Variants in TAF1C observed in about 807,000 individuals in gnomAD.
TAF1C encodes the protein TATA box-binding protein-associated factor RNA polymerase I subunit C.
In TAF1C, 79 loss-of-function variants were observed where a neutral mutation model predicts 70.5. That is an observed-to-expected ratio of 1.12 (90% CI 0.93 to 1.35). The LOEUF (loss-of-function observed/expected upper bound fraction) is 1.35, where lower values mean the gene tolerates loss of function less well. Among genes scored for constraint, TAF1C ranks in the 40% most tolerant of loss-of-function variants. The pLI is 0.00. For missense variants in TAF1C, 1,412 were observed against 1,127.8 expected (o/e 1.25, Z -3.61); for synonymous variants, 614 against 491.1 (o/e 1.25, Z -3.31).
chr16:84,185,247 C>T (rs1490591612), intron 1 of TAF1C, 187 bp from the exon 2 acceptor site: 3 of 370,202 alleles, frequency 8.1e-6, no homozygotes, highest in East Asian at 5.1e-5. Context: ...GGAAAAGCCT[C>T]GTTGAGAAGG....
rs3785034 is a variant in TAF1C at position 84,186,135 on chromosome 16, C to A, written c.-73+766G>T. ...ACGAAGGCTCAGCAAGAACTTTAGTCCAACAGCTCTTAGCTGCCACAGCCA... is the reference window on the plus strand; with the variant it reads ...ACGAAGGCTCAGCAAGAACTTTAGTACAACAGCTCTTAGCTGCCACAGCCA... On this transcript the variant is annotated intron_variant, in intron 1 of 14. Transcript: ENST00000566732. 3.3e-5 allele frequency among the ~76,000 whole-genome samples: 5 copies of A among 152,254 alleles called. No homozygotes were observed. In the East Asian group the frequency reaches 9.6e-4, roughly 29 times the overall value.
chr16:84,181,230 C>T (rs764460424), intron 11 of TAF1C, 44 bp from the exon 12 acceptor site: 98 of 1,594,560 alleles, frequency 6.1e-5, no homozygotes, highest in Non-Finnish European at 7.8e-5. Context: ...AGTCCCAGGC[C>T]GGTGACGCTG....
At chr16:84,184,794 G>C in intron 2 of TAF1C, 57 bp downstream of exon 2, 1 of 1,535,098 alleles carries the variant, frequency 6.5e-7, no homozygotes, top group South Asian at 1.2e-5. Flanking sequence ...TGTGAGACGG[G>C]GGACCCAGGG....
In TAF1C at chr16:84,178,438, T is replaced by A. The variant is rs2088869748; in HGVS notation, c.*503A>T. On this transcript the variant is annotated 3_prime_UTR_variant, in exon 15 of 15. Transcript: ENST00000566732. The stretch of plus-strand genomic sequence containing the variant: ...AACCTGGATCCAAGGCATCTCCCTG[T>A]AGGAAACATCAGACCGGGGCAGAGA... The A allele has an allele frequency of 2.2e-6, 1 of 458,108 alleles. No individual in the cohort carries two copies. The highest frequency in any genetic ancestry group is 4.4e-6 in the Non-Finnish European group (1 of 228,198). The allele number at this position is 458,108 out of a possible 1,614,324, so 28.4% of individuals were successfully genotyped here.
chr16:84,186,636 G>C (rs1224856875), intron 1 of TAF1C, among the ~76,000 whole-genome samples: 1 of 152,238 alleles, frequency 6.6e-6, no homozygotes, highest in Non-Finnish European at 1.5e-5. Flanking sequence ...CGCTGGTGGA[G>C]AGCACGACCC....
At position 84,179,244 on chromosome 16, in the gene TAF1C, T is replaced by C. The variant is rs1246037177; in HGVS notation, c.2229A>G (p.Ser743=). The C allele has an allele frequency of 6.3e-7, 1 of 1,584,764 alleles. No individual in the cohort carries two copies. The highest frequency in any genetic ancestry group is 1.8e-5 in the Admixed American group (1 of 57,004). The part of the protein sequence containing the change: ...SFSLSGHVDP[S]EDTSSPHSPE... ...GGCTATGAGGGGAGCTGGTGTCCTC[T>C]GAGGGATCCACATGGCCACTGAGCG... Residue 743 remains serine (S), a synonymous_variant, in exon 15 of 15, where the codon TCA becomes TCG. Coordinates refer to ENST00000566732, the MANE Select transcript of TAF1C (RefSeq NM_001243156.2).
At position 84,183,288 on chromosome 16, in the gene TAF1C, G is replaced by A. The variant is rs376292825; in HGVS notation, c.364C>T (p.Leu122=). The change falls in exon 5 of 15, where the codon CTG becomes TTG. Residue 122 remains leucine (L), a synonymous_variant. Coordinates refer to ENST00000566732, the MANE Select transcript of TAF1C (RefSeq NM_001243156.2). ...AAATTCTCCAGCATCAGCTTCCCCA[G>A]GGGCGCAAAGGCTACGTCTCCATGA... ...LDHGDVAFAP[L]GKLMLENFKL... The A allele has an allele frequency of 5.6e-6, 9 of 1,613,898 alleles. No individual in the cohort carries two copies. In the African/African-American group the frequency reaches 8.0e-5, roughly 14 times the overall value.
rs2151289698 is a variant in TAF1C at position 84,178,311 on chromosome 16, C to T, written c.*630G>A. The T allele has an allele frequency of 2.2e-6, 1 of 456,932 alleles. No individual in the cohort carries two copies. Among genetic ancestry groups the T allele is most frequent in the Non-Finnish European group, 4.4e-6 (1 of 227,122 alleles). The allele number at this position is 456,932 out of a possible 1,614,324, so 28.3% of individuals were successfully genotyped here. On this transcript the variant is annotated 3_prime_UTR_variant, in exon 15 of 15. Transcript: ENST00000566732. ...AGGAACATCAGCCATCATCTCTCTGCATGAGCTCAGTGTCAGGTAGTAGCT... is the reference window on the plus strand; with the variant it reads ...AGGAACATCAGCCATCATCTCTCTGTATGAGCTCAGTGTCAGGTAGTAGCT...
chr16:84,181,002 C>G (rs375064121), intron 12 of TAF1C, 41 bp downstream of exon 12: 37 of 1,571,378 alleles, frequency 2.4e-5, no homozygotes, highest in Non-Finnish European at 2.9e-5. Flanking sequence ...CCATCTGAGA[C>G]AGAGCAGAGG....
chr16:84,180,081 C>T lies in TAF1C; in HGVS notation c.1486G>A (p.Glu496Lys), dbSNP rs2151297583. 1.3e-6 allele frequency: 2 copies of T among 1,594,028 alleles called. No homozygotes were observed. The highest frequency in any genetic ancestry group is 8.5e-7 in the Non-Finnish European group (1 of 1,171,830). The change falls in exon 14 of 15, where the codon GAA becomes AAA. Residue 496 changes from glutamate (E) to lysine (K), a missense_variant and splice_region_variant. Glu to Lys is a moderately conservative substitution (Grantham distance 56). Coordinates refer to ENST00000566732, the MANE Select transcript of TAF1C (RefSeq NM_001243156.2). The stretch of plus-strand genomic sequence containing the variant: ...GCCAGGCGGGGCACCGACGCCCCTT[C>T]TCCTGAGGAAGGACAGACAGCTGAG... Reference protein sequence around the residue: ...GQLQLLHLAGEGASVPRLAGP... With the variant: ...GQLQLLHLAGKGASVPRLAGP...
chr16:84,181,181 C>T lies in TAF1C; in HGVS notation c.1170G>A (p.Pro390=), dbSNP rs751893970. The stretch of plus-strand genomic sequence containing the variant: ...GAAAAAGCAACAGACCACAGCCCGG[C>T]GGGCCCTGGAAGATAAACACAGGGT... ...TGVKMLDTQG[P]PGCGLLLFRL... is the part of the protein sequence containing the mutation. The change falls in exon 12 of 15, where the codon CCG becomes CCA. Residue 390 remains proline (P), a synonymous_variant. Transcript: ENST00000566732. The T allele has an allele frequency of 1.2e-5, 20 of 1,607,220 alleles. No homozygotes were observed. The Admixed American group carries it at 1.5e-4, about 12-fold the overall frequency.
Position 84,182,169 on chromosome 16 carries a change from C to T in TAF1C, c.721+33G>A, listed in dbSNP as rs745851989. ...GCACCTCCTCTACCAGAGGCGAGCC[C>T]GCTGGAATCTCCTGTCTCGCAAGAA... On this transcript the variant is annotated intron_variant, in intron 7 of 14. Transcript: ENST00000566732. This position sits in a 1 kb window ranked among gnomAD's most constrained non-coding sequence, Gnocchi z 5.0. The T allele has an allele frequency of 2.4e-5, 39 of 1,595,756 alleles. No homozygotes were observed. Among genetic ancestry groups the T allele is most frequent in the South Asian group, 1.5e-4 (13 of 89,142 alleles).
Position 84,182,456 on chromosome 16 carries a change from C to T in TAF1C, c.483-16G>A, listed in dbSNP as rs1010190149. ...CCAGGGACACCTGGGGACCAGAGAA[C>T]AGCAGGAGGATCACTCGGTGGCACT... On this transcript the variant is annotated splice_polypyrimidine_tract_variant and intron_variant, in intron 6 of 14. Coordinates refer to ENST00000566732, the MANE Select transcript of TAF1C (RefSeq NM_001243156.2). This position sits in a 1 kb window ranked among gnomAD's most constrained non-coding sequence, Gnocchi z 5.0. 6 of 1,591,928 alleles carry T rather than the reference C, an allele frequency of 3.8e-6. No individual in the cohort carries two copies. The highest frequency in any genetic ancestry group is 5.1e-6 in the Non-Finnish European group (6 of 1,171,992).
Position 84,179,240 on chromosome 16 carries a change from C to T in TAF1C, c.2233G>A (p.Asp745Asn). 1 of 1,584,308 alleles carries T rather than the reference C, an allele frequency of 6.3e-7. No individual in the cohort carries two copies. Among genetic ancestry groups the T allele is most frequent in the Non-Finnish European group, 8.5e-7 (1 of 1,171,668 alleles). Residue 745 changes from aspartate (D) to asparagine (N), a missense_variant, in exon 15 of 15, where the codon GAC (aspartate) becomes AAC (asparagine). Physicochemically the swap from Asp to Asn is conservative, Grantham distance 23. Transcript: ENST00000566732. The stretch of plus-strand genomic sequence containing the variant: ...TCAGGGCTATGAGGGGAGCTGGTGT[C>T]CTCTGAGGGATCCACATGGCCACTG... ...SLSGHVDPSE[D>N]TSSPHSPEWP... is the part of the protein sequence containing the mutation.
Position 84,181,634 on chromosome 16 carries a change from C to A in TAF1C, c.986G>T (p.Cys329Phe). 1 of 1,613,818 alleles carries A rather than the reference C, an allele frequency of 6.2e-7. No homozygotes were observed. The change falls in exon 10 of 15, where the codon TGC becomes TTC. Residue 329 changes from cysteine to phenylalanine, a missense_variant. Transcript: ENST00000566732. ...SPHLPGELAI[C>F]SRSGAVCLWS... ...CAGGCAGACGGCTCCCGAGCGGCTG[C>A]AGATGGCCAGCTCCCCGGGCAGGTG...
rs1394399761 is a variant in TAF1C at position 84,182,399 on chromosome 16, G to A, written c.524C>T (p.Ser175Phe). ...GCCCAGGATGGGGCCCCCGAGGATA[G>A]AGAAGCGGCGCTGTCGGTTGCTGAG... is the stretch of plus-strand genomic sequence containing the variant. ...AYLSNRQRRFSILGGPILGTS... is the reference protein window; with the variant it reads ...AYLSNRQRRFFILGGPILGTS... The change falls in exon 7 of 15, where the codon TCT (serine) becomes TTT (phenylalanine). Residue 175 changes from serine (S) to phenylalanine (F), a missense_variant. Ser to Phe is a radical substitution (Grantham distance 155, BLOSUM62 -2). Transcript: ENST00000566732. The surrounding 1 kb of genome is among the most constrained non-coding windows in gnomAD (Gnocchi z 5.0). The A allele has an allele frequency of 1.2e-6, 2 of 1,605,972 alleles. No individual in the cohort carries two copies. The highest frequency in any genetic ancestry group is 1.3e-5 in the African/African-American group (1 of 74,918).
chr16:84,185,419 T>TG (rs1200531399), intron 1 of TAF1C: 2 of 155,288 alleles, frequency 1.3e-5, no homozygotes, highest in African/African-American at 4.8e-5. Flanking sequence ...GCGGTGGAGA[T>TG]GGAGTCAGAA....
At position 84,179,781 on chromosome 16, in the gene TAF1C, C is replaced by G. The variant is rs778087874; in HGVS notation, c.1692G>C (p.Ala564=). The G allele has an allele frequency of 1.9e-6, 3 of 1,609,722 alleles. No individual in the cohort carries two copies. Among genetic ancestry groups the G allele is most frequent in the South Asian group, 2.2e-5 (2 of 90,684 alleles). ...TPGLVLFQLS[A]AGDVFYQQLR... ...GCTGCTGGTAGAAGACATCTCCCGCCGCCGAGAGCTGGAAGAGCACCAGGC... is the reference window on the plus strand; with the variant it reads ...GCTGCTGGTAGAAGACATCTCCCGCGGCCGAGAGCTGGAAGAGCACCAGGC... The change falls in exon 15 of 15, where the codon GCG becomes GCC. Residue 564 remains alanine (A), a synonymous_variant. Coordinates refer to ENST00000566732, the MANE Select transcript of TAF1C (RefSeq NM_001243156.2).
chr16:84,183,431 G>A lies in TAF1C; in HGVS notation c.297C>T (p.Val99=), dbSNP rs1018266084. 6.2e-6 allele frequency: 10 copies of A among 1,612,418 alleles called. No homozygotes were observed. The highest frequency in any genetic ancestry group is 1.6e-4 in the Middle Eastern group (1 of 6,080). Residue 99 remains valine (V), a synonymous_variant, in exon 4 of 15, where the codon GTC becomes GTT. Transcript: ENST00000566732. ...TCACCTGCTCAGTCACATCCAGCAC[G>A]ACTCGGGGCCGCTTCCGATACCGGC... ...GGCRYRKRPR[V]VLDVTEQISR...
Sources: gnomAD v4.1 joint callset for allele counts (sites outside exome capture counted in the v4.1 genomes callset) on GRCh38, gnomAD v4.1.1 for gene constraint, Gnocchi (gnomAD v3.1) non-coding constraint, MANE v1.5 for transcripts, NCBI Gene and HGNC (gene_info 2026-07-23, HGNC 2026-07-21) for gene names.